Variants in TG observed in about 807,000 individuals in gnomAD.
TG encodes thyroglobulin.
Under a neutral mutation model 324.7 loss-of-function variants are expected in TG, and 270 were observed. That is an observed-to-expected ratio of 0.83 (90% CI 0.75 to 0.92). The LOEUF is 0.92. Among genes scored for constraint, TG ranks in the 40% least tolerant of loss-of-function variants. The pLI, the probability that TG is intolerant of heterozygous loss-of-function variation, is 0.00. For missense variants in TG, 3,591 were observed against 3,456.4 expected (o/e 1.04, Z -0.98); for synonymous variants, 1,401 against 1,327.0 (o/e 1.06, Z -1.21).
chr8:132,998,599 T>C (rs1187055801), intron 35 of TG, among the ~76,000 whole-genome samples: 4 of 152,152 alleles, frequency 2.6e-5, no homozygotes, highest in Non-Finnish European at 5.9e-5. Context: ...GGTTGGATGA[T>C]GAGCCACTGA....
intron 35 of TG, among the ~76,000 whole-genome samples, chr8:132,987,721 G>GTT: frequency 6.7e-6 from 1 of 149,882 alleles, no homozygotes; most frequent in Non-Finnish European, 1.5e-5. Context: ...GTGTGTGTGT[G>GTT]GTGTGTGTGT....
At chr8:132,966,464 C>CTGTGTG (rs138876980) in intron 29 of TG, 96 bp from the exon 30 acceptor site, 520 of 1,150,628 alleles carry the variant, frequency 4.5e-4, no homozygotes, top group South Asian at 3.4e-3. Flanking sequence ...CTGTCTCTCT[C>CTGTGTG]TCTGTGTGTG....
chr8:133,080,267 A>G (rs1289078183), intron 41 of TG, among the ~76,000 whole-genome samples: 1 of 152,174 alleles, frequency 6.6e-6, no homozygotes, highest in African/African-American at 2.4e-5. Context: ...GGGAAATGCA[A>G]CTTGGCCTTT....
intron 41 of TG, among the ~76,000 whole-genome samples, chr8:133,055,224 G>A (rs906899565): frequency 4.6e-5 from 7 of 152,098 alleles, no homozygotes; most frequent in Non-Finnish European, 1.0e-4. Flanking sequence ...AGGGCAACTG[G>A]TGGGTAGGGA....
chr8:133,029,736 A>G (rs751589085), intron 40 of TG, 85 bp from the exon 41 acceptor site: 3 of 1,558,802 alleles, frequency 1.9e-6, no homozygotes, highest in African/African-American at 1.4e-5. Flanking sequence ...GGGGCCGCAT[A>G]TATGCCTGCC....
intron 32 of TG, among the ~76,000 whole-genome samples, 167 bp downstream of exon 32, chr8:132,969,736 C>A (rs1169580209): frequency 6.6e-6 from 1 of 151,914 alleles, no homozygotes; most frequent in African/African-American, 2.4e-5. Context: ...CATGGTGAAG[C>A]CCCGTCTCTA....
chr8:133,047,064 A>C (rs889584933), intron 41 of TG: 1 of 152,200 alleles, frequency 6.6e-6, no homozygotes, highest in Non-Finnish European at 1.5e-5. Flanking sequence ...GGGGATAAAC[A>C]TGGTACTCTC....
At chr8:133,046,659 G>T (rs923485485) in intron 41 of TG, 1 of 152,258 alleles carries the variant, frequency 6.6e-6, no homozygotes, top group Admixed American at 6.5e-5. Flanking sequence ...CCTCCCTTTG[G>T]CCAGGCCAGC....
intron 35 of TG, among the ~76,000 whole-genome samples, chr8:132,992,752 C>G (rs188423759): frequency 2.0e-5 from 3 of 152,334 alleles, no homozygotes; most frequent in Admixed American, 2.0e-4. Context: ...TCCTCCTCTG[C>G]TCTGAGCCCC....
At chr8:133,015,353 C>G (rs1161348684) in intron 37 of TG, among the ~76,000 whole-genome samples, 1 of 152,234 alleles carries the variant, frequency 6.6e-6, no homozygotes, top group Admixed American at 6.5e-5. Context: ...AACTTTCACA[C>G]AGACGTTATT....
At chr8:133,027,173 A>G (rs941144508) in intron 40 of TG, among the ~76,000 whole-genome samples, 4 of 152,218 alleles carry the variant, frequency 2.6e-5, no homozygotes, top group East Asian at 1.9e-4. Context: ...AGGGGCTTCT[A>G]TCAGATCGTT....
intron 17 of TG, 94 bp downstream of exon 17, chr8:132,906,994 A>T: frequency 7.6e-7 from 1 of 1,316,576 alleles, no homozygotes; most frequent in South Asian, 1.3e-5. Context: ...CCATTTCCCC[A>T]CCCAAATGTA....
chr8:133,038,906 C>T (rs868055490), intron 41 of TG, among the ~76,000 whole-genome samples: 10 of 152,216 alleles, frequency 6.6e-5, no homozygotes, highest in Admixed American at 6.5e-5. Context: ...AAGATGGAGT[C>T]TCGCTCTGTT....
chr8:132,911,603 C>G (rs1001132657), intron 19 of TG, 70 bp downstream of exon 19: 8 of 1,323,492 alleles, frequency 6.0e-6, no homozygotes, highest in Non-Finnish European at 8.7e-6. Context: ...TCTCATCTGC[C>G]AAATGGAGCT....
intron 45 of TG, among the ~76,000 whole-genome samples, chr8:133,127,771 G>A (rs1038597032): frequency 2.9e-4 from 44 of 152,130 alleles, no homozygotes; most frequent in African/African-American, 1.1e-3. Context: ...CTTGGGGACT[G>A]TTTTCTGCCA....
At chr8:133,090,530 G>A (rs1012713851) in intron 41 of TG, among the ~76,000 whole-genome samples, 1 of 152,244 alleles carries the variant, frequency 6.6e-6, no homozygotes, top group African/African-American at 2.4e-5. Context: ...CCCCAAGTCA[G>A]ACAGCGCAAG....
chr8:132,894,308 G>C (rs1419221301), intron 11 of TG, among the ~76,000 whole-genome samples: 1 of 152,150 alleles, frequency 6.6e-6, no homozygotes, highest in Non-Finnish European at 1.5e-5. Context: ...CAGGAGGGGA[G>C]AGGAAGCCTC....
rs778558424 is a variant in TG at position 133,017,763 on chromosome 8, T to A, written c.6563-15T>A. 4.3e-6 allele frequency: 7 copies of A among 1,613,508 alleles called. No homozygotes were observed. The South Asian group carries it at 7.7e-5, about 18-fold the overall frequency. ...TCTCCCCTTCCTCACCCCTTTCTCT[T>A]CCCTTTCCCAACAGGAATCTCTCTG... On this transcript the variant is annotated splice_polypyrimidine_tract_variant and intron_variant, in intron 37 of 47. Coordinates refer to ENST00000220616, the MANE Select transcript of TG (RefSeq NM_003235.5).
Position 132,901,440 on chromosome 8 carries a change from G to T in TG, c.3521G>T (p.Gly1174Val). The change falls in exon 16 of 48, where the codon GGG (glycine) becomes GTG (valine). Residue 1174 changes from glycine (G) to valine (V), a missense_variant. Transcript: ENST00000220616. ...GYVPACRAED[G>V]GFSPVQCDQA... ...GTCCCAGCCTGCAGGGCAGAGGATG[G>T]GGGCTTTTCCCCAGTGCAATGTGAC... 6.2e-7 allele frequency: 1 copy of T among 1,614,258 alleles called. No individual in the cohort carries two copies. The highest frequency in any genetic ancestry group is 8.5e-7 in the Non-Finnish European group (1 of 1,180,050).
Sources: gnomAD v4.1 joint callset for allele counts (sites outside exome capture counted in the v4.1 genomes callset) on GRCh38, gnomAD v4.1.1 for gene constraint, MANE v1.5 for transcripts, NCBI Gene and HGNC (gene_info 2026-07-23, HGNC 2026-07-21) for gene names.